STS: variants seen among roughly 807,000 people sequenced by gnomAD.
STS encodes steryl-sulfatase.
A neutral mutation model predicts 26.8 loss-of-function variants in STS; 7 were observed. The ratio of observed to expected loss-of-function variants is 0.26; its 90% CI spans 0.15 to 0.49. STS has a LOEUF of 0.49. Among genes scored for constraint, STS ranks in the 20% least tolerant of loss-of-function variants. STS has a pLI of 0.98. For synonymous variants in STS, 199 were observed against 189.4 expected (o/e 1.05, Z -0.42); for missense variants, 434 against 465.6 (o/e 0.93, Z 0.63).
At chrX:7,285,097 G>A (rs1925065748) in intron 7 of STS, among the ~76,000 whole-genome samples, 1 of 110,772 alleles carries the variant, frequency 9.0e-6, no homozygotes, top group Non-Finnish European at 1.9e-5. Flanking sequence ...AAATAATGAA[G>A]ATGAAGAGGA....
At chrX:7,313,587 A>G (rs1001856094) in intron 8 of STS, among the ~76,000 whole-genome samples, 17 of 112,399 alleles carry the variant, frequency 1.5e-4, no homozygotes, top group Non-Finnish European at 2.4e-4. Context: ...TCCAGCAGGT[A>G]TCCACAGCCT....
At chrX:7,307,654 A>G (rs965179123) in intron 8 of STS, among the ~76,000 whole-genome samples, 1 of 112,091 alleles carries the variant, frequency 8.9e-6, no homozygotes, top group Non-Finnish European at 1.9e-5. Flanking sequence ...AGATTCCCTG[A>G]TTTGCGATTG....
intron 2 of STS, among the ~76,000 whole-genome samples, chrX:7,197,757 G>C (rs1240093269): frequency 1.8e-5 from 2 of 111,190 alleles, no homozygotes; most frequent in Non-Finnish European, 3.8e-5. Flanking sequence ...TAGAGGCTAG[G>C]AACACCTAAC....
chrX:7,329,328 A>T (rs528855884), intron 9 of STS, among the ~76,000 whole-genome samples: 1 of 112,124 alleles, frequency 8.9e-6, no homozygotes, highest in Admixed American at 9.4e-5. Context: ...AACACACAGC[A>T]CAGAGCCCTA....
At chrX:7,330,318 C>T (rs1038236484) in intron 9 of STS, among the ~76,000 whole-genome samples, 3 of 111,551 alleles carry the variant, frequency 2.7e-5, no homozygotes, top group South Asian at 7.6e-4. Flanking sequence ...ATGACCATGC[C>T]CCTTCCTAAC....
chrX:7,170,677 G>T (rs1933450190), intron 1 of STS, among the ~76,000 whole-genome samples: 1 of 109,136 alleles, frequency 9.2e-6, no homozygotes, highest in Admixed American at 9.8e-5. Context: ...GTAGAAATGG[G>T]GTCTCACTAT....
chrX:7,290,598 C>T (rs763445025), intron 7 of STS, among the ~76,000 whole-genome samples: 11 of 111,892 alleles, frequency 9.8e-5, no homozygotes, highest in African/African-American at 3.2e-4. Flanking sequence ...TATATGGTTC[C>T]GCCCCACACA....
rs1924523615 is a variant in STS, at chrX:7,276,099, C to T, written c.943+12C>T. 3 of 1,208,224 alleles carry T rather than the reference C, an allele frequency of 2.5e-6. No homozygotes were observed. Among genetic ancestry groups the T allele is most frequent in the Non-Finnish European group, 3.4e-6 (3 of 893,677 alleles). ...GGACTGGAGTGTGGGTACGTTTCTC[C>T]TCAGTGAGTGCTTAGAAAGCTGCTA... is the stretch of plus-strand genomic sequence containing the variant. On this transcript the variant is annotated intron_variant, in intron 7 of 10. Transcript: ENST00000674429.
At chrX:7,340,046 T>G (rs1273586692) in intron 10 of STS, among the ~76,000 whole-genome samples, 1 of 108,424 alleles carries the variant, frequency 9.2e-6, no homozygotes, top group Non-Finnish European at 1.9e-5. Flanking sequence ...TGAATTTTCT[T>G]TCTTGAATAC....
At chrX:7,322,647 C>T (rs746672466) in intron 8 of STS, among the ~76,000 whole-genome samples, 5 of 111,968 alleles carry the variant, frequency 4.5e-5, no homozygotes, top group Non-Finnish European at 7.5e-5. Context: ...GTGATCCACC[C>T]GTCTTGGCCT....
intron 2 of STS, among the ~76,000 whole-genome samples, chrX:7,205,698 G>C (rs1192434649): frequency 6.0e-5 from 6 of 100,548 alleles, no homozygotes; most frequent in African/African-American, 1.9e-4. Flanking sequence ...GGCACTCCTG[G>C]CTGGAGTGCA....
chrX:7,150,600 GAGAC>G (rs1450632890), intron 1 of STS, among the ~76,000 whole-genome samples: 2 of 112,310 alleles, frequency 1.8e-5, no homozygotes, highest in African/African-American at 6.5e-5. Context: ...GATTGTGGAA[GAGAC>G]AGATTGGGAA....
At chrX:7,222,139 C>A (rs917903196) in intron 2 of STS, among the ~76,000 whole-genome samples, 1 of 111,702 alleles carries the variant, frequency 9.0e-6, no homozygotes, top group Non-Finnish European at 1.9e-5. Flanking sequence ...TCTCTTGGTG[C>A]CTTGTTCTTG....
At chrX:7,208,510 GT>G (rs1920966952) in intron 2 of STS, among the ~76,000 whole-genome samples, 1 of 111,685 alleles carries the variant, frequency 9.0e-6, no homozygotes, top group Admixed American at 9.5e-5. Flanking sequence ...CCTTTACCCT[GT>G]CTTCTCCAGT....
rs747454834 is a variant in STS, at chrX:7,153,254, T to C, written c.-134+5171T>C. On this transcript the variant is annotated intron_variant, in intron 1 of 10. Transcript: ENST00000674429. ...TCCTTCCCTCCCTTTCTTTCCTCCT[T>C]CTCTCTTTCCCTGTCTTCCTTCCTG... 6.4e-5 allele frequency among the ~76,000 whole-genome samples: 7 copies of C among 109,113 alleles called. No individual in the cohort carries two copies. The South Asian group carries it at 2.1e-3, about 32-fold the overall frequency. 94.8% of individuals were successfully genotyped at this position (109,113 alleles called of 115,157 possible).
At chrX:7,344,360 T>C (rs1928428111) in intron 10 of STS, among the ~76,000 whole-genome samples, 1 of 111,586 alleles carries the variant, frequency 9.0e-6, no homozygotes, top group Non-Finnish European at 1.9e-5. Context: ...GTAGCAAGTC[T>C]GCCCCACTGC....
At chrX:7,202,559 G>A (rs1182935454) in intron 2 of STS, among the ~76,000 whole-genome samples, 1 of 111,747 alleles carries the variant, frequency 8.9e-6, no homozygotes, top group Admixed American at 9.5e-5. Flanking sequence ...TGGAACTGTT[G>A]TAATTTTCTT....
intron 1 of STS, chrX:7,148,337 G>C (rs748116452): frequency 1.1e-4 from 28 of 254,657 alleles, no homozygotes; most frequent in African/African-American, 7.4e-4. Flanking sequence ...GCAGACCCGG[G>C]ATGCGGCGCG....
intron 2 of STS, among the ~76,000 whole-genome samples, chrX:7,236,963 T>C (rs1922342060): frequency 9.1e-6 from 1 of 109,832 alleles, no homozygotes; most frequent in South Asian, 3.9e-4. Context: ...AGCCTTAAAA[T>C]TGCATGTTAA....
Sources: gnomAD v4.1 joint callset for allele counts (sites outside exome capture counted in the v4.1 genomes callset) on GRCh38, gnomAD v4.1.1 for gene constraint, MANE v1.5 for transcripts, NCBI Gene and HGNC (gene_info 2026-07-23, HGNC 2026-07-21) for gene names.